Variants in GPC6 observed in about 807,000 individuals in gnomAD.
GPC6 encodes glypican 6, also known as glypican-6.
A neutral mutation model predicts 55.2 loss-of-function variants in GPC6; 14 were observed. The ratio of observed to expected loss-of-function variants is 0.25; its 90% CI spans 0.17 to 0.40. The LOEUF (loss-of-function observed/expected upper bound fraction) is 0.40. GPC6 is among the 10% of genes least tolerant of loss of function. The pLI is 1.00. For synonymous variants in GPC6, 278 were observed against 259.6 expected, an observed-to-expected ratio of 1.07 and a Z score of -0.68; for missense variants, 641 against 708.5, an observed-to-expected ratio of 0.90 and a Z score of 1.08.
intron 4 of GPC6, among the ~76,000 whole-genome samples, chr13:94,247,295 C>G (rs1393211126): frequency 6.6e-6 from 1 of 152,030 alleles, no homozygotes; most frequent in East Asian, 1.9e-4. Flanking sequence ...TCTGCAGATA[C>G]AAATAATTTT....
intron 1 of GPC6, among the ~76,000 whole-genome samples, chr13:93,277,946 A>G (rs1328854108): frequency 1.3e-5 from 2 of 152,140 alleles, no homozygotes; most frequent in African/African-American, 4.8e-5. Flanking sequence ...CATACTCCTT[A>G]TTTTGAAAAT....
chr13:93,830,659 T>C, intron 3 of GPC6, 114 bp downstream of exon 3: 1 of 896,618 alleles, frequency 1.1e-6, no homozygotes, highest in South Asian at 1.6e-5. Context: ...AATTCTTAAT[T>C]GGTGGTCCTT....
chr13:93,882,852 G>C (rs1875080432), intron 3 of GPC6, among the ~76,000 whole-genome samples: 1 of 152,092 alleles, frequency 6.6e-6, no homozygotes, highest in Non-Finnish European at 1.5e-5. Flanking sequence ...TCATGGAGGA[G>C]GTAGCCTTGA....
At chr13:93,491,775 G>A (rs1157277974) in intron 1 of GPC6, among the ~76,000 whole-genome samples, 1 of 128,942 alleles carries the variant, frequency 7.8e-6, no homozygotes, top group Non-Finnish European at 1.7e-5. Flanking sequence ...TATTAAATAG[G>A]GAATCCTTTC....
intron 4 of GPC6, among the ~76,000 whole-genome samples, chr13:94,178,025 A>ATTTTTTTTTTTT (rs767978319): frequency 7.5e-6 from 1 of 132,990 alleles, no homozygotes; most frequent in Non-Finnish European, 1.6e-5. Context: ...TGGCCTTTTA[A>ATTTTTTTTTTTT]TTTTTTTTTT....
chr13:93,759,893 A>G (rs1029267984), intron 2 of GPC6, among the ~76,000 whole-genome samples: 4 of 151,844 alleles, frequency 2.6e-5, no homozygotes, highest in Admixed American at 1.3e-4. Flanking sequence ...TGTTGACTCT[A>G]TGATCTAGAA....
chr13:93,583,349 T>C (rs890629858), intron 2 of GPC6, among the ~76,000 whole-genome samples: 2 of 151,114 alleles, frequency 1.3e-5, no homozygotes, highest in African/African-American at 2.5e-5. Context: ...TGTGTGTGTG[T>C]GTGTGCGCGC....
At chr13:94,289,392 AG>A (rs1874819211) in intron 5 of GPC6, among the ~76,000 whole-genome samples, 1 of 152,166 alleles carries the variant, frequency 6.6e-6, no homozygotes, top group Non-Finnish European at 1.5e-5. Context: ...TAAAACTAAA[AG>A]AGCTCCTTTT....
At chr13:93,254,315 C>T (rs1178817138) in intron 1 of GPC6, among the ~76,000 whole-genome samples, 2 of 152,114 alleles carry the variant, frequency 1.3e-5, no homozygotes, top group African/African-American at 4.8e-5. Context: ...CAGACTGAGA[C>T]TCTATCTCTT....
intron 3 of GPC6, among the ~76,000 whole-genome samples, chr13:93,983,750 G>A (rs1016609808): frequency 6.7e-6 from 1 of 150,262 alleles, no homozygotes; most frequent in South Asian, 2.1e-4. Context: ...ATCTCTGGAT[G>A]TTTGTGGATA....
chr13:93,933,794 T>C (rs1230644713), intron 3 of GPC6, among the ~76,000 whole-genome samples: 2 of 152,192 alleles, frequency 1.3e-5, no homozygotes, highest in Non-Finnish European at 2.9e-5. Flanking sequence ...TTAAATCCAA[T>C]AGTAGACCAA....
At chr13:93,848,015 T>C (rs146465189) in intron 3 of GPC6, among the ~76,000 whole-genome samples, 1 of 152,308 alleles carries the variant, frequency 6.6e-6, no homozygotes, top group African/African-American at 2.4e-5. Context: ...CCCAGAATAT[T>C]GGTCTAGCAG....
At chr13:93,874,056 A>G (rs1889214645) in intron 3 of GPC6, among the ~76,000 whole-genome samples, 1 of 151,892 alleles carries the variant, frequency 6.6e-6, no homozygotes, top group African/African-American at 2.4e-5. Flanking sequence ...CCAGATTTTA[A>G]AAAGCTTTTA....
intron 2 of GPC6, among the ~76,000 whole-genome samples, chr13:93,638,927 T>C (rs1879804295): frequency 6.6e-6 from 1 of 152,102 alleles, no homozygotes; most frequent in Non-Finnish European, 1.5e-5. Context: ...ATATGTTAAA[T>C]CAAAATACTC....
At chr13:93,666,651 G>T (rs541354623) in intron 2 of GPC6, among the ~76,000 whole-genome samples, 1 of 152,026 alleles carries the variant, frequency 6.6e-6, no homozygotes, top group East Asian at 1.9e-4. Flanking sequence ...TTAAAAACAC[G>T]GTGTCTTTTA....
intron 2 of GPC6, among the ~76,000 whole-genome samples, chr13:93,748,227 A>T (rs1884466602): frequency 2.0e-5 from 3 of 152,276 alleles, no homozygotes; most frequent in African/African-American, 7.2e-5. Context: ...TTTAAATGAC[A>T]TATTGCTTTG....
intron 3 of GPC6, among the ~76,000 whole-genome samples, chr13:93,954,976 G>A (rs1409852181): frequency 6.6e-6 from 1 of 151,836 alleles, no homozygotes; most frequent in Non-Finnish European, 1.5e-5. Flanking sequence ...CTCCATCTTG[G>A]TTGCCTCTTC....
chr13:94,314,912 G>A (rs1876442431), intron 6 of GPC6, among the ~76,000 whole-genome samples: 1 of 152,154 alleles, frequency 6.6e-6, no homozygotes, highest in Non-Finnish European at 1.5e-5. Context: ...TTTACTGCTA[G>A]CAATAAACCT....
chr13:93,778,049 A>G (rs769964278), intron 2 of GPC6, among the ~76,000 whole-genome samples: 2 of 152,174 alleles, frequency 1.3e-5, no homozygotes, highest in Non-Finnish European at 2.9e-5. Flanking sequence ...TGCATAGGCT[A>G]ATTGAGGGCA....
Sources: gnomAD v4.1 joint callset for allele counts (sites outside exome capture counted in the v4.1 genomes callset) on GRCh38, gnomAD v4.1.1 for gene constraint, MANE v1.5 for transcripts, NCBI Gene and HGNC (gene_info 2026-07-23, HGNC 2026-07-21) for gene names.